Variants in LPAR1 observed in about 807,000 individuals in gnomAD.
The protein encoded by LPAR1 is LPA receptor 1.
In LPAR1, 5 loss-of-function variants were observed where a neutral mutation model predicts 23.8. The observed-to-expected ratio is 0.21, with a 90% CI of 0.11 to 0.44. The LOEUF is 0.44. Ranked by LOEUF, LPAR1 falls within the 20% of genes least tolerant of loss-of-function variation. The probability of loss-of-function intolerance (pLI) is 0.99; values close to 1 mark genes in which losing one functional copy is unlikely to be tolerated. For synonymous variants in LPAR1, 160 were observed against 164.7 expected (o/e 0.97, Z 0.22); for missense variants, 311 against 482.8 (o/e 0.64, Z 3.33).
chr9:110,958,658 C>G (rs2095842987), intron 4 of LPAR1, among the ~76,000 whole-genome samples: 1 of 151,906 alleles, frequency 6.6e-6, no homozygotes, highest in Admixed American at 6.6e-5. Context: ...CTGATCTAGG[C>G]AAATATTTTA....
intron 4 of LPAR1, among the ~76,000 whole-genome samples, chr9:110,956,156 A>C (rs572199715): frequency 1.4e-5 from 2 of 142,464 alleles, no homozygotes; most frequent in Admixed American, 1.5e-4. Context: ...GAAACACTGC[A>C]TGTTCTCACT....
At chr9:110,931,405 T>C (rs990029986) in intron 5 of LPAR1, among the ~76,000 whole-genome samples, 7 of 152,248 alleles carry the variant, frequency 4.6e-5, no homozygotes, top group African/African-American at 1.4e-4. Context: ...TTTGCAGTCA[T>C]ACTCATTAAC....
intron 4 of LPAR1, among the ~76,000 whole-genome samples, chr9:110,947,131 G>T (rs2095411028): frequency 6.6e-6 from 1 of 152,100 alleles, no homozygotes; most frequent in Non-Finnish European, 1.5e-5. Context: ...ATGTAGGTGA[G>T]ATTATAGATG....
chr9:110,911,548 T>C (rs541172725), intron 5 of LPAR1, among the ~76,000 whole-genome samples: 1 of 151,330 alleles, frequency 6.6e-6, no homozygotes, highest in Non-Finnish European at 1.5e-5. Context: ...TCTAAAAAAA[T>C]AGTGGAGGAT....
chr9:111,007,179 C>T (rs183626740), intron 2 of LPAR1, among the ~76,000 whole-genome samples: 194 of 152,166 alleles, frequency 1.3e-3, no homozygotes, highest in Non-Finnish European at 2.1e-4. Context: ...CGAGCAGATG[C>T]CAGCACCATG....
At chr9:110,894,247 T>C (rs1193701338) in intron 5 of LPAR1, among the ~76,000 whole-genome samples, 1 of 152,232 alleles carries the variant, frequency 6.6e-6, no homozygotes, top group Admixed American at 6.5e-5. Context: ...TAAAGGTATG[T>C]ATTCATCTTT....
chr9:110,930,772 G>A (rs991635306), intron 5 of LPAR1, among the ~76,000 whole-genome samples: 2 of 151,826 alleles, frequency 1.3e-5, no homozygotes, highest in Admixed American at 6.6e-5. Flanking sequence ...AAAATCAGCC[G>A]GGCGTGGTGG....
chr9:111,003,076 C>T (rs991073286), intron 2 of LPAR1, among the ~76,000 whole-genome samples: 1 of 152,078 alleles, frequency 6.6e-6, no homozygotes, highest in Non-Finnish European at 1.5e-5. Flanking sequence ...CATCAGGAGC[C>T]CATTTGAAAT....
chr9:110,893,435 C>T (rs562746767), intron 5 of LPAR1, among the ~76,000 whole-genome samples: 9 of 152,134 alleles, frequency 5.9e-5, no homozygotes, highest in South Asian at 2.1e-4. Context: ...TGGGAAGATA[C>T]GCACATTACA....
At chr9:110,987,313 A>C (rs983970282) in intron 2 of LPAR1, among the ~76,000 whole-genome samples, 2 of 150,674 alleles carry the variant, frequency 1.3e-5, no homozygotes, top group Non-Finnish European at 3.0e-5. Context: ...TATTCTATAT[A>C]ATATATTGCA....
chr9:110,923,133 C>T (rs1192234178), intron 5 of LPAR1, among the ~76,000 whole-genome samples: 1 of 151,966 alleles, frequency 6.6e-6, no homozygotes, highest in Non-Finnish European at 1.5e-5. Flanking sequence ...GTGGTCTGGT[C>T]CTGCTCAAGA....
At chr9:111,035,860 C>T (rs911133151) in intron 2 of LPAR1, among the ~76,000 whole-genome samples, 1 of 152,178 alleles carries the variant, frequency 6.6e-6, no homozygotes, top group South Asian at 2.1e-4. Context: ...CAGATTGCAA[C>T]TTTCCATACT....
intron 2 of LPAR1, among the ~76,000 whole-genome samples, chr9:111,013,671 A>AT (rs1353994382): frequency 1.3e-5 from 2 of 152,166 alleles, no homozygotes; most frequent in East Asian, 3.8e-4. Context: ...CTCTATTCTG[A>AT]TTCCAAAAAG....
intron 5 of LPAR1, among the ~76,000 whole-genome samples, chr9:110,896,244 A>G: frequency 6.6e-6 from 1 of 152,186 alleles, no homozygotes; most frequent in African/African-American, 2.4e-5. Flanking sequence ...ATATTTTCAA[A>G]AACATTGCTG....
At chr9:110,902,614 G>C (rs1326033520) in intron 5 of LPAR1, among the ~76,000 whole-genome samples, 1 of 152,092 alleles carries the variant, frequency 6.6e-6, no homozygotes, top group Non-Finnish European at 1.5e-5. Flanking sequence ...TTAGCAGCAT[G>C]AGACTAATAC....
chr9:110,999,866 G>C (rs2097096581), intron 2 of LPAR1, among the ~76,000 whole-genome samples: 1 of 152,042 alleles, frequency 6.6e-6, no homozygotes, highest in South Asian at 2.1e-4. Flanking sequence ...CACCACACCA[G>C]GCTAATTTTT....
intron 2 of LPAR1, among the ~76,000 whole-genome samples, chr9:111,017,332 C>T (rs924718199): frequency 6.6e-6 from 1 of 152,174 alleles, no homozygotes; most frequent in Non-Finnish European, 1.5e-5. Context: ...CACATGGTAC[C>T]TTCATTCAGT....
chr9:110,960,551 T>C (rs539409080), intron 4 of LPAR1, among the ~76,000 whole-genome samples: 4 of 152,272 alleles, frequency 2.6e-5, no homozygotes, highest in African/African-American at 7.2e-5. Flanking sequence ...TTGAAGAAAT[T>C]ACATCGAAAT....
intron 2 of LPAR1, among the ~76,000 whole-genome samples, chr9:111,005,250 T>C (rs563854709): frequency 6.6e-6 from 1 of 150,922 alleles, no homozygotes; most frequent in East Asian, 2.0e-4. Flanking sequence ...TCTAACAAAA[T>C]TGTGGAAATC....
Sources: allele counts gnomAD v4.1 joint callset (sites outside exome capture counted in the v4.1 genomes callset), GRCh38; gene constraint gnomAD v4.1.1; transcripts MANE v1.5; gene names NCBI Gene and HGNC (gene_info 2026-07-23, HGNC 2026-07-21).